The following GALNT13 variants were observed in gnomAD, a reference collection of about 807,000 sequenced individuals.
GALNT13 encodes the protein UDP-GalNAc:polypeptide N-acetylgalactosaminyltransferase 13.
A neutral mutation model predicts 64.2 loss-of-function variants in GALNT13; 28 were observed. The ratio of observed to expected loss-of-function variants is 0.44; its 90% CI spans 0.32 to 0.60. The LOEUF (loss-of-function observed/expected upper bound fraction) is 0.60. Among genes scored for constraint, GALNT13 ranks in the 20% least tolerant of loss-of-function variants. The pLI, the probability that GALNT13 is intolerant of heterozygous loss-of-function variation, is 0.05. For synonymous variants in GALNT13, 214 were observed against 224.6 expected, an observed-to-expected ratio of 0.95 and a Z score of 0.42; for missense variants, 577 against 669.8, an observed-to-expected ratio of 0.86 and a Z score of 1.53.
chr2:153,221,598 C>T, the GALNT13 span, among the ~76,000 whole-genome samples: 1 of 152,310 alleles, frequency 6.6e-6, no homozygotes, highest in Non-Finnish European at 1.5e-5. Context: ...GCCTGCTTGG[C>T]TCATTCTGCC....
chr2:153,631,851 C>T, the GALNT13 span, among the ~76,000 whole-genome samples: 52 of 152,216 alleles, frequency 3.4e-4, no homozygotes, highest in African/African-American at 1.1e-3. Context: ...GTTGCCATTG[C>T]TTTTGGTGTT....
At chr2:154,158,900 A>C (rs530742825) in intron 4 of GALNT13, among the ~76,000 whole-genome samples, 1 of 151,970 alleles carries the variant, frequency 6.6e-6, no homozygotes, top group East Asian at 1.9e-4. Context: ...CATCTCTCTA[A>C]ATTCTTCTTT....
At chr2:153,952,508 T>A (rs1692264532) in intron 3 of GALNT13, among the ~76,000 whole-genome samples, 1 of 152,100 alleles carries the variant, frequency 6.6e-6, no homozygotes, top group Non-Finnish European at 1.5e-5. Context: ...TGGTTTGAGA[T>A]GAGAAATGGT....
chr2:153,302,927 A>G, the GALNT13 span, among the ~76,000 whole-genome samples: 1 of 152,140 alleles, frequency 6.6e-6, no homozygotes, highest in Non-Finnish European at 1.5e-5. Context: ...GGCCAATACC[A>G]TGTGTTTTTG....
chr2:154,345,911 T>C (rs1014854134), intron 9 of GALNT13, among the ~76,000 whole-genome samples: 3 of 152,138 alleles, frequency 2.0e-5, no homozygotes, highest in Non-Finnish European at 4.4e-5. Context: ...TTTGTAGATA[T>C]TATCTTTCCT....
At chr2:153,193,288 T>C in the GALNT13 span, among the ~76,000 whole-genome samples, 12 of 151,296 alleles carry the variant, frequency 7.9e-5, no homozygotes, top group African/African-American at 7.3e-5. Context: ...GATGAGTTCA[T>C]GTCCTTTGTA....
At chr2:154,226,281 A>G (rs1177507804) in intron 4 of GALNT13, among the ~76,000 whole-genome samples, 1 of 152,146 alleles carries the variant, frequency 6.6e-6, no homozygotes, top group Non-Finnish European at 1.5e-5. Flanking sequence ...ACCTTAAGTG[A>G]TCAAAGTTAA....
At chr2:153,505,371 A>G in the GALNT13 span, among the ~76,000 whole-genome samples, 2 of 151,894 alleles carry the variant, frequency 1.3e-5, no homozygotes, top group East Asian at 1.9e-4. Flanking sequence ...TTTCAGTTTC[A>G]TTTAATTCTC....
chr2:154,419,417 T>C (rs924326501), intron 11 of GALNT13, among the ~76,000 whole-genome samples: 1 of 152,176 alleles, frequency 6.6e-6, no homozygotes, highest in Non-Finnish European at 1.5e-5. Flanking sequence ...TTTTTTAGAT[T>C]TATCTTTTAA....
the GALNT13 span, among the ~76,000 whole-genome samples, chr2:153,440,419 A>G: frequency 2.6e-5 from 4 of 152,180 alleles, no homozygotes; most frequent in East Asian, 7.7e-4. Flanking sequence ...ATATGTGTGC[A>G]TGTGTCTTTA....
the GALNT13 span, among the ~76,000 whole-genome samples, chr2:153,639,665 A>G: frequency 6.6e-6 from 1 of 152,196 alleles, no homozygotes; most frequent in East Asian, 1.9e-4. Context: ...TCCATCGGAA[A>G]AACTCACGAT....
At chr2:153,277,761 G>T in the GALNT13 span, among the ~76,000 whole-genome samples, 1 of 151,518 alleles carries the variant, frequency 6.6e-6, no homozygotes, top group Non-Finnish European at 1.5e-5. Flanking sequence ...CATGTGAGAT[G>T]GTATCTCACA....
the GALNT13 span, among the ~76,000 whole-genome samples, chr2:153,493,661 A>G: frequency 1.3e-4 from 20 of 152,002 alleles, no homozygotes; most frequent in Non-Finnish European, 5.9e-5. Flanking sequence ...ATCTTAATAG[A>G]AAACCTGACA....
At chr2:153,780,639 C>T in the GALNT13 span, among the ~76,000 whole-genome samples, 1 of 152,046 alleles carries the variant, frequency 6.6e-6, no homozygotes, top group African/African-American at 2.4e-5. Flanking sequence ...CATACCATTG[C>T]AGGTATTACA....
the GALNT13 span, among the ~76,000 whole-genome samples, chr2:153,104,887 TTTA>T: frequency 3.3e-5 from 5 of 151,850 alleles, no homozygotes; most frequent in African/African-American, 1.2e-4. Context: ...TTTTCTTTTT[TTTA>T]TTATTATTAT....
At chr2:154,259,521 C>T (rs1251693639) in intron 8 of GALNT13, among the ~76,000 whole-genome samples, 2 of 152,044 alleles carry the variant, frequency 1.3e-5, no homozygotes, top group Non-Finnish European at 2.9e-5. Context: ...TCAGGTTGTT[C>T]TCAGAAAACT....
chr2:153,494,857 A>T, the GALNT13 span, among the ~76,000 whole-genome samples: 1 of 152,218 alleles, frequency 6.6e-6, no homozygotes, highest in South Asian at 2.1e-4. Context: ...CAGAATATAT[A>T]TAATACTCTT....
chr2:153,965,022 A>G (rs1693232909), intron 3 of GALNT13, among the ~76,000 whole-genome samples: 1 of 152,234 alleles, frequency 6.6e-6, no homozygotes, highest in African/African-American at 2.4e-5. Flanking sequence ...ATCTTTGAAA[A>G]TGTGATGAAT....
chr2:153,667,218 A>G, the GALNT13 span, among the ~76,000 whole-genome samples: 2 of 152,186 alleles, frequency 1.3e-5, no homozygotes, highest in African/African-American at 4.8e-5. Flanking sequence ...ATTTGAGGAT[A>G]TCATCCCTGA....
Sources: gnomAD v4.1 joint callset for allele counts (sites outside exome capture counted in the v4.1 genomes callset) on GRCh38, gnomAD v4.1.1 for gene constraint, MANE v1.5 for transcripts, NCBI Gene and HGNC (gene_info 2026-07-23, HGNC 2026-07-21) for gene names.